Variants in TAOK3 observed in about 807,000 individuals in gnomAD.
The protein encoded by TAOK3 is serine/threonine-protein kinase TAO3.
In TAOK3, 40 loss-of-function variants were observed where a neutral mutation model predicts 120.4. That is an observed-to-expected ratio of 0.33 (90% CI 0.26 to 0.43). TAOK3 has a LOEUF of 0.43. TAOK3 is among the 20% of genes least tolerant of loss of function. The pLI is 1.00. For missense variants in TAOK3, 821 were observed against 1,112.1 expected, an observed-to-expected ratio of 0.74 and a Z score of 3.72; for synonymous variants, 355 against 387.5, an observed-to-expected ratio of 0.92 and a Z score of 0.99.
intron 1 of TAOK3, among the ~76,000 whole-genome samples, chr12:118,337,498 C>T (rs568258185): frequency 1.1e-4 from 16 of 152,158 alleles, no homozygotes; most frequent in Non-Finnish European, 2.1e-4. Context: ...AATCGCCAAA[C>T]GCTGGAAACA....
chr12:118,268,463 T>C (rs2041553650), intron 1 of TAOK3, among the ~76,000 whole-genome samples: 1 of 152,236 alleles, frequency 6.6e-6, no homozygotes, highest in Non-Finnish European at 1.5e-5. Context: ...TCTTGTCTCA[T>C]GCCTATAGTT....
intron 11 of TAOK3, among the ~76,000 whole-genome samples, chr12:118,207,869 C>CACACACACACACAG (rs2038413914): frequency 6.6e-6 from 1 of 151,496 alleles, no homozygotes; most frequent in Non-Finnish European, 1.5e-5. Context: ...CACACACACA[C>CACACACACACACAG]ACACACACAC....
At position 118,363,579 on chromosome 12, in the gene TAOK3, C is replaced by G. The variant is rs1194584418; in HGVS notation, c.-194+9069G>C. ...AGCAGAGAGTAGCAAGGAGGATAATCAGAGAAGGACTCATGAAAGATGGCA... is the reference window on the plus strand; with the variant it reads ...AGCAGAGAGTAGCAAGGAGGATAATGAGAGAAGGACTCATGAAAGATGGCA... On this transcript the variant is annotated intron_variant, in intron 1 of 20. Coordinates refer to ENST00000392533, the MANE Select transcript of TAOK3 (RefSeq NM_016281.4). Among the ~76,000 whole-genome samples the G allele has an allele frequency of 2.0e-5, 3 of 152,144 alleles. 1 individual carries two copies. Among genetic ancestry groups the G allele is most frequent in the South Asian group, 4.1e-4 (2 of 4,820 alleles).
At chr12:118,308,717 G>A (rs2086271189) in intron 1 of TAOK3, among the ~76,000 whole-genome samples, 1 of 151,916 alleles carries the variant, frequency 6.6e-6, no homozygotes, top group Non-Finnish European at 1.5e-5. Context: ...ATTACCTGAG[G>A]TCAGGAGTTT....
intron 1 of TAOK3, among the ~76,000 whole-genome samples, chr12:118,308,207 C>T (rs1000413078): frequency 6.6e-6 from 1 of 151,964 alleles, no homozygotes; most frequent in African/African-American, 2.4e-5. Context: ...AATGCCATGA[C>T]AGTTTACAGA....
chr12:118,319,995 A>T (rs1008294354), intron 1 of TAOK3, among the ~76,000 whole-genome samples: 4 of 152,242 alleles, frequency 2.6e-5, no homozygotes, highest in African/African-American at 4.8e-5. Context: ...TGTGGGATAT[A>T]GATACAGCAA....
chr12:118,287,791 A>C (rs1236748542), intron 1 of TAOK3, among the ~76,000 whole-genome samples: 2 of 152,112 alleles, frequency 1.3e-5, no homozygotes, highest in Non-Finnish European at 2.9e-5. Flanking sequence ...TATAAGTAAA[A>C]TTCCCAGCAT....
chr12:118,203,168 A>C (rs1169491129), intron 11 of TAOK3, among the ~76,000 whole-genome samples: 3 of 151,862 alleles, frequency 2.0e-5, no homozygotes. Flanking sequence ...TTTGTTCTCT[A>C]TTTCTGTGGC....
intron 1 of TAOK3, among the ~76,000 whole-genome samples, chr12:118,356,844 C>T (rs571058815): frequency 6.6e-6 from 1 of 152,278 alleles, no homozygotes; most frequent in South Asian, 2.1e-4. Flanking sequence ...ATCACTTGAG[C>T]TCAGGAGTTC....
At chr12:118,243,587 CGTATAT>C (rs1227240600) in intron 4 of TAOK3, 71 bp from the exon 5 acceptor site, 26 of 549,484 alleles carry the variant, frequency 4.7e-5, no homozygotes, top group Admixed American at 1.9e-4. Context: ...ATCAAGTATA[CGTATAT>C]ATCATTTATA....
intron 1 of TAOK3, among the ~76,000 whole-genome samples, chr12:118,305,708 A>G (rs1051003223): frequency 1.2e-4 from 18 of 152,190 alleles, no homozygotes; most frequent in African/African-American, 3.9e-4. Flanking sequence ...AATTCAGACT[A>G]GCCTGACCAT....
intron 17 of TAOK3, among the ~76,000 whole-genome samples, chr12:118,169,754 T>C (rs1449478587): frequency 6.6e-6 from 1 of 151,886 alleles, no homozygotes; most frequent in Non-Finnish European, 1.5e-5. Context: ...GGAGTCTCCC[T>C]CTGTCACCCA....
chr12:118,344,027 C>A (rs1400407827), intron 1 of TAOK3, among the ~76,000 whole-genome samples: 1 of 150,872 alleles, frequency 6.6e-6, no homozygotes, highest in Non-Finnish European at 1.5e-5. Context: ...AAAAAATCCA[C>A]TAGAATTTAT....
intron 1 of TAOK3, among the ~76,000 whole-genome samples, chr12:118,340,992 A>ATT (rs1181293202): frequency 7.1e-5 from 10 of 140,692 alleles, no homozygotes; most frequent in East Asian, 4.1e-4. Flanking sequence ...AATATATCTA[A>ATT]TTTTTTTTTT....
chr12:118,255,309 T>TGCTATC (rs1406296142), intron 3 of TAOK3, 139 bp downstream of exon 3: 3 of 750,880 alleles, frequency 4.0e-6, no homozygotes, highest in Non-Finnish European at 6.2e-6. Context: ...GACAGGGTCT[T>TGCTATC]GCTATGTTGC....
intron 19 of TAOK3, among the ~76,000 whole-genome samples, chr12:118,159,403 C>T (rs753261040): frequency 3.3e-4 from 50 of 151,684 alleles, no homozygotes; most frequent in Non-Finnish European, 5.2e-4. Flanking sequence ...CTCCACCTCC[C>T]GGGTTCAAGT....
chr12:118,246,592 G>A, intron 3 of TAOK3: 1 of 1,572,928 alleles, frequency 6.4e-7, no homozygotes, highest in Non-Finnish European at 8.6e-7. Context: ...AGAGGCTACT[G>A]GGGGAACAAG....
chr12:118,269,026 G>C (rs1487341252), intron 1 of TAOK3, among the ~76,000 whole-genome samples: 1 of 151,668 alleles, frequency 6.6e-6, no homozygotes, highest in African/African-American at 2.4e-5. Flanking sequence ...GAAAAGAAAA[G>C]AAAACAAAAG....
At chr12:118,162,755 C>T (rs1485494805) in intron 17 of TAOK3, among the ~76,000 whole-genome samples, 2 of 151,904 alleles carry the variant, frequency 1.3e-5, no homozygotes, top group Admixed American at 6.6e-5. Context: ...TGTTCTTTTC[C>T]GTTCTACTCA....
Sources: allele counts gnomAD v4.1 joint callset (sites outside exome capture counted in the v4.1 genomes callset), GRCh38; gene constraint gnomAD v4.1.1; transcripts MANE v1.5; gene names NCBI Gene and HGNC (gene_info 2026-07-23, HGNC 2026-07-21).